The following NBAS variants were observed in gnomAD, a reference collection of about 807,000 sequenced individuals.
The protein encoded by NBAS is NAG/BC035112 fusion.
A neutral mutation model predicts 302.5 loss-of-function variants in NBAS; 219 were observed. The observed-to-expected ratio is 0.72, with a 90% confidence interval of 0.65 to 0.81. The LOEUF is 0.81. NBAS is among the 30% of genes least tolerant of loss of function. NBAS has a pLI of 0.00. For missense variants in NBAS, 2,932 were observed against 2,841.6 expected, an observed-to-expected ratio of 1.03 and a Z score of -0.72; for synonymous variants, 1,118 against 1,021.6, an observed-to-expected ratio of 1.09 and a Z score of -1.80.
At chr2:15,198,157 A>G (rs897758980) in intron 48 of NBAS, among the ~76,000 whole-genome samples, 1 of 152,246 alleles carries the variant, frequency 6.6e-6, no homozygotes, top group African/African-American at 2.4e-5. Flanking sequence ...GATATTTAAG[A>G]AAAGGCCTTA....
At chr2:14,927,068 C>G in the NBAS span, among the ~76,000 whole-genome samples, 1 of 152,194 alleles carries the variant, frequency 6.6e-6, no homozygotes, top group Non-Finnish European at 1.5e-5. Flanking sequence ...CCTCCCTGAG[C>G]GAGAGGGAAT....
At chr2:15,487,008 C>T (rs905993388) in intron 12 of NBAS, among the ~76,000 whole-genome samples, 4 of 151,510 alleles carry the variant, frequency 2.6e-5, no homozygotes, top group Non-Finnish European at 4.4e-5. Context: ...GGATGTATAA[C>T]GTACTAGGAT....
At chr2:15,108,868 A>T in the NBAS span, among the ~76,000 whole-genome samples, 3 of 152,144 alleles carry the variant, frequency 2.0e-5, no homozygotes, top group South Asian at 6.2e-4. Flanking sequence ...ATATAAGATC[A>T]ACCCAATTGT....
At chr2:15,232,961 C>G (rs1015532884) in intron 46 of NBAS, among the ~76,000 whole-genome samples, 4 of 151,826 alleles carry the variant, frequency 2.6e-5, no homozygotes, top group African/African-American at 9.7e-5. Context: ...ATGCAACATC[C>G]TATGAGACAA....
downstream of NBAS, among the ~76,000 whole-genome samples, chr2:15,163,374 T>C (rs953190203): frequency 1.3e-5 from 2 of 152,182 alleles, no homozygotes; most frequent in Non-Finnish European, 2.9e-5. Flanking sequence ...GGCAGAGACA[T>C]GGCCAACAAG....
the NBAS span, among the ~76,000 whole-genome samples, chr2:14,917,002 G>A: frequency 6.6e-6 from 1 of 152,190 alleles, no homozygotes; most frequent in Non-Finnish European, 1.5e-5. Flanking sequence ...GAAGTCATGT[G>A]CTGACTGGAC....
chr2:15,461,754 T>G lies in NBAS; in HGVS notation c.2135A>C (p.Tyr712Ser). 1 of 1,608,306 alleles carries G rather than the reference T, an allele frequency of 6.2e-7. No homozygotes were observed. ...LGVPHASEQR[Y>S]DAEFFKKFRN... ...GAATTTCTTAAAGAATTCAGCATCA[T>G]ATCTCTGTTCAGATGCATGAGGCAC... is the stretch of plus-strand genomic sequence containing the variant. The change falls in exon 20 of 52, where the codon TAT becomes TCT. Residue 712 changes from tyrosine to serine, a missense_variant. Transcript: ENST00000281513.
the NBAS span, among the ~76,000 whole-genome samples, chr2:14,794,910 T>C: frequency 6.6e-6 from 1 of 152,250 alleles, no homozygotes; most frequent in Non-Finnish European, 1.5e-5. Context: ...GAGATACACC[T>C]ATGTTGTTGT....
chr2:15,439,502 G>A (rs1284271217), intron 21 of NBAS, among the ~76,000 whole-genome samples: 1 of 151,986 alleles, frequency 6.6e-6, no homozygotes, highest in South Asian at 2.1e-4. Flanking sequence ...AAATCTTGAG[G>A]GGAGGAGCCA....
chr2:15,412,770 G>C (rs1676740270), intron 25 of NBAS, among the ~76,000 whole-genome samples: 2 of 152,178 alleles, frequency 1.3e-5, no homozygotes, highest in South Asian at 4.1e-4. Flanking sequence ...GAGCTGGGGA[G>C]AGCCATGAAG....
the NBAS span, among the ~76,000 whole-genome samples, chr2:14,982,299 C>CACTA: frequency 7.9e-5 from 12 of 152,198 alleles, 1 homozygote; most frequent in Admixed American, 7.2e-4. Context: ...CACCCCAAGT[C>CACTA]ACTAGCACAC....
At chr2:15,522,221 A>C (rs1356769784) in intron 9 of NBAS, among the ~76,000 whole-genome samples, 1 of 152,212 alleles carries the variant, frequency 6.6e-6, no homozygotes, top group Non-Finnish European at 1.5e-5. Context: ...CAACTTGATA[A>C]GTAAATTGGG....
At chr2:15,340,831 T>C (rs1356700718) in intron 35 of NBAS, among the ~76,000 whole-genome samples, 3 of 152,096 alleles carry the variant, frequency 2.0e-5, no homozygotes, top group Non-Finnish European at 4.4e-5. Flanking sequence ...AAATGTTACT[T>C]ATAGGTCAAA....
chr2:15,075,794 G>C, the NBAS span, among the ~76,000 whole-genome samples: 1 of 148,776 alleles, frequency 6.7e-6, no homozygotes. Context: ...TATACACACA[G>C]AAAAAGCCCA....
the NBAS span, among the ~76,000 whole-genome samples, chr2:14,880,414 T>A: frequency 6.6e-6 from 1 of 151,906 alleles, no homozygotes; most frequent in Admixed American, 6.6e-5. Flanking sequence ...CATACCAGCA[T>A]GAAGTAAGTT....
chr2:14,996,552 T>C, the NBAS span, among the ~76,000 whole-genome samples: 1 of 152,188 alleles, frequency 6.6e-6, no homozygotes, highest in Non-Finnish European at 1.5e-5. Flanking sequence ...CAGAGGGAAA[T>C]ACTTCCAACA....
intron 25 of NBAS, among the ~76,000 whole-genome samples, chr2:15,404,592 A>G (rs1325578922): frequency 6.6e-6 from 1 of 151,602 alleles, no homozygotes; most frequent in African/African-American, 2.4e-5. Context: ...GGCTCACAGC[A>G]ACCTCCACCT....
chr2:15,172,070 CA>C (rs1454309068), intron 51 of NBAS, among the ~76,000 whole-genome samples: 1 of 152,192 alleles, frequency 6.6e-6, no homozygotes, highest in African/African-American at 2.4e-5. Flanking sequence ...AATGTAAGCA[CA>C]ACCACATAAT....
At chr2:14,963,966 C>T in the NBAS span, among the ~76,000 whole-genome samples, 3 of 152,292 alleles carry the variant, frequency 2.0e-5, no homozygotes, top group East Asian at 5.8e-4. Context: ...AATAATTAGC[C>T]TAAGGCTAAA....
Sources: allele counts gnomAD v4.1 joint callset (sites outside exome capture counted in the v4.1 genomes callset), GRCh38; gene constraint gnomAD v4.1.1; transcripts MANE v1.5; gene names NCBI Gene and HGNC (gene_info 2026-07-23, HGNC 2026-07-21).